DNAI4: variants seen among roughly 807,000 people sequenced by gnomAD.
The protein encoded by DNAI4 is dynein axonemal intermediate chain 4.
DNAI4 carries 85 observed loss-of-function variants against 105.8 expected under a neutral mutation model. The observed-to-expected ratio is 0.80, with a 90% CI of 0.67 to 0.96. The LOEUF (loss-of-function observed/expected upper bound fraction) is 0.96, where lower values mean the gene tolerates loss of function less well. DNAI4 is among the 40% of genes least tolerant of loss of function. DNAI4 has a pLI of 0.00. For missense variants in DNAI4, 1,014 were observed against 1,005.6 expected (o/e 1.01, Z -0.11); for synonymous variants, 352 against 331.5 (o/e 1.06, Z -0.67).
chr1:66,852,521 A>G (rs949758667), intron 7 of DNAI4, among the ~76,000 whole-genome samples: 1 of 152,186 alleles, frequency 6.6e-6, no homozygotes, highest in South Asian at 2.1e-4. Context: ...TATTATACAC[A>G]ATGACCAATT....
chr1:66,893,246 C>T lies in DNAI4; in HGVS notation c.513G>A (p.Thr171=), dbSNP rs150441794. ...TACTCTACCTTGTAAACTGCCCTAA[C>T]GTACTAGGATTTATTGTATTCTGAT... ...SLYQNTINPS[T]LGQFTRSVLG... is the part of the protein sequence containing the mutation. Residue 171 remains threonine (T), a synonymous_variant, in exon 3 of 17, where the codon ACG becomes ACA. Transcript: ENST00000371026. The T allele has an allele frequency of 2.3e-5, 37 of 1,582,746 alleles. No individual in the cohort carries two copies. Among genetic ancestry groups the T allele is most frequent in the Middle Eastern group, 1.7e-4 (1 of 5,970 alleles).
At chr1:66,836,748 C>T (rs1459710462) in intron 10 of DNAI4, among the ~76,000 whole-genome samples, 2 of 152,140 alleles carry the variant, frequency 1.3e-5, no homozygotes, top group Non-Finnish European at 2.9e-5. Context: ...TGACATATCG[C>T]TAAGTTTATT....
intron 1 of DNAI4, among the ~76,000 whole-genome samples, chr1:66,918,516 A>C (rs1458312242): frequency 6.6e-6 from 1 of 151,154 alleles, no homozygotes; most frequent in Non-Finnish European, 1.5e-5. Context: ...GAAGAAAATA[A>C]ACAGCAACCT....
At chr1:66,919,356 C>T (rs911757474) in intron 1 of DNAI4, among the ~76,000 whole-genome samples, 1 of 152,122 alleles carries the variant, frequency 6.6e-6, no homozygotes, top group East Asian at 1.9e-4. Context: ...CTCACATTAA[C>T]TCATAAAACA....
Position 66,903,135 on chromosome 1 carries a change from T to C in DNAI4, c.345+2066A>G, listed in dbSNP as rs143525716. 6.9e-3 allele frequency among the ~76,000 whole-genome samples: 1,045 copies of C among 152,334 alleles called. 15 individuals carry two copies. Among genetic ancestry groups the C allele is most frequent in the African/African-American group, 0.024 (1,006 of 41,568 alleles). On this transcript the variant is annotated intron_variant, in intron 2 of 16. Coordinates refer to ENST00000371026, the MANE Select transcript of DNAI4 (RefSeq NM_024763.5). Reference sequence around the variant, plus strand: ...AATCTGTAAGTCACTTTAGGTAGTATTGACAACCTAACACTATTACGCCTT... The same window carrying C: ...AATCTGTAAGTCACTTTAGGTAGTACTGACAACCTAACACTATTACGCCTT...
In DNAI4 at chr1:66,835,717, C is replaced by T. The variant is rs1303983447; in HGVS notation, c.1642G>A (p.Ala548Thr). ...TAGCCAACGGCTAAAAGGTTAGGTGCTCCAATTGAAAAATCCACAGCAGTA... is the reference window on the plus strand; with the variant it reads ...TAGCCAACGGCTAAAAGGTTAGGTGTTCCAATTGAAAAATCCACAGCAGTA... ...GVTAVDFSIGAPNLLAVGYHN... is the reference protein window; with the variant it reads ...GVTAVDFSIGTPNLLAVGYHN... Residue 548 changes from alanine to threonine, a missense_variant, in exon 11 of 17, where the codon GCA becomes ACA. Coordinates refer to ENST00000371026, the MANE Select transcript of DNAI4 (RefSeq NM_024763.5). 1.2e-6 allele frequency: 2 copies of T among 1,613,936 alleles called. No homozygotes were observed. The highest frequency in any genetic ancestry group is 1.3e-5 in the African/African-American group (1 of 74,916).
At chr1:66,826,493 T>TTGCCA (rs1367947415) in intron 15 of DNAI4, among the ~76,000 whole-genome samples, 1 of 152,136 alleles carries the variant, frequency 6.6e-6, no homozygotes, top group Non-Finnish European at 1.5e-5. Flanking sequence ...AGATGGGGTT[T>TTGCCA]TGCCATGTTG....
intron 9 of DNAI4, 141 bp from the exon 10 acceptor site, chr1:66,837,937 A>G: frequency 1.3e-6 from 1 of 794,840 alleles, no homozygotes; most frequent in East Asian, 2.8e-5. Flanking sequence ...CCAGTACACC[A>G]TCTGTTTTTA....
intron 3 of DNAI4, among the ~76,000 whole-genome samples, chr1:66,892,278 C>G (rs1025429837): frequency 2.6e-5 from 4 of 151,994 alleles, no homozygotes; most frequent in Non-Finnish European, 5.9e-5. Context: ...GAGGCAAGCT[C>G]CAGAGAAGCA....
At chr1:66,894,178 C>T (rs1430141334) in intron 2 of DNAI4, among the ~76,000 whole-genome samples, 1 of 152,096 alleles carries the variant, frequency 6.6e-6, no homozygotes, top group East Asian at 1.9e-4. Context: ...TTAGTGGGTA[C>T]TCTAGAAGAT....
Position 66,823,163 on chromosome 1 carries a change from G to C in DNAI4, c.2340-646C>G, listed in dbSNP as rs1281106623. Reference sequence around the variant, plus strand: ...TACGAGTGACAATATGCGGTGTTTGGTTTTTTGTTCTTGCGATAGTTTGCT... The same window carrying C: ...TACGAGTGACAATATGCGGTGTTTGCTTTTTTGTTCTTGCGATAGTTTGCT... On this transcript the variant is annotated intron_variant, in intron 15 of 16. Coordinates refer to ENST00000371026, the MANE Select transcript of DNAI4 (RefSeq NM_024763.5). Among the ~76,000 whole-genome samples, 4 of 135,118 alleles carry C rather than the reference G, an allele frequency of 3.0e-5. 1 individual carries two copies. Among genetic ancestry groups the C allele is most frequent in the Non-Finnish European group, 6.5e-5 (4 of 61,628 alleles). 88.6% of individuals were successfully genotyped at this position (135,118 alleles called of 152,430 possible). A position where few individuals can be genotyped will look rare whatever the true frequency, so the allele number is the denominator to read the frequency against.
At chr1:66,848,278 T>C in intron 7 of DNAI4, 1 of 456,184 alleles carries the variant, frequency 2.2e-6, no homozygotes. Flanking sequence ...CCGCTGACCT[T>C]CTTCTGTCAT....
In DNAI4 at chr1:66,924,567, G is replaced by T; in HGVS notation, c.170+95C>A. 3 of 1,554,188 alleles carry T rather than the reference G, an allele frequency of 1.9e-6. No individual in the cohort carries two copies. In the Admixed American group the frequency reaches 5.2e-5, roughly 27 times the overall value. Reference sequence around the variant, plus strand: ...TACAGACTGAACCCAGTTAGGGTAGGGCCCCTTTCCAAATCCAGAAATGGT... The same window carrying T: ...TACAGACTGAACCCAGTTAGGGTAGTGCCCCTTTCCAAATCCAGAAATGGT... On this transcript the variant is annotated intron_variant, in intron 1 of 16. Transcript: ENST00000371026.
At chr1:66,880,019 G>A (rs1647034602) in intron 4 of DNAI4, among the ~76,000 whole-genome samples, 3 of 151,210 alleles carry the variant, frequency 2.0e-5, no homozygotes, top group Admixed American at 1.3e-4. Context: ...TAGTGAATGA[G>A]TCTCACAAGG....
chr1:66,837,479 A>G, intron 10 of DNAI4: 1 of 460,358 alleles, frequency 2.2e-6, no homozygotes, highest in South Asian at 6.2e-5. Context: ...ATCATATATA[A>G]CAGCATATAG....
At chr1:66,892,560 A>G (rs1647749762) in intron 3 of DNAI4, among the ~76,000 whole-genome samples, 1 of 152,226 alleles carries the variant, frequency 6.6e-6, no homozygotes, top group South Asian at 2.1e-4. Flanking sequence ...CTCTGAAGAC[A>G]TTAAGAGCTC....
At chr1:66,903,389 C>T (rs963590951) in intron 2 of DNAI4, among the ~76,000 whole-genome samples, 8 of 152,174 alleles carry the variant, frequency 5.3e-5, no homozygotes, top group Non-Finnish European at 1.0e-4. Flanking sequence ...TGTCCTGCAA[C>T]TTTGCAGAAT....
intron 1 of DNAI4, among the ~76,000 whole-genome samples, chr1:66,916,218 A>T (rs1166830877): frequency 2.0e-5 from 3 of 152,210 alleles, no homozygotes; most frequent in Non-Finnish European, 4.4e-5. Context: ...TGTAAATCAC[A>T]AAAGAGGATT....
intron 3 of DNAI4, among the ~76,000 whole-genome samples, chr1:66,892,948 GAGAAGAAAGA>G (rs1557964197): frequency 1.5e-5 from 1 of 65,966 alleles, no homozygotes; most frequent in Non-Finnish European, 3.0e-5. Flanking sequence ...AGAGAAGAAA[GAGAAGAAAGA>G]AAGAAAGAAA....
Sources: allele counts gnomAD v4.1 joint callset (sites outside exome capture counted in the v4.1 genomes callset), GRCh38; gene constraint gnomAD v4.1.1; transcripts MANE v1.5; gene names NCBI Gene and HGNC (gene_info 2026-07-23, HGNC 2026-07-21).